The following PCDHGA8 variants were observed in gnomAD, a reference collection of about 807,000 sequenced individuals.
The protein encoded by PCDHGA8 is protocadherin gamma-A8.
A neutral mutation model predicts 59.2 loss-of-function variants in PCDHGA8; 45 were observed. The ratio of observed to expected loss-of-function variants is 0.76; its 90% CI spans 0.60 to 0.98. The LOEUF (loss-of-function observed/expected upper bound fraction) is 0.98, where lower values mean the gene tolerates loss of function less well. Ranked by LOEUF, PCDHGA8 falls within the 50% of genes least tolerant of loss-of-function variation. The pLI is 0.00. For missense variants in PCDHGA8, 1,257 were observed against 1,196.2 expected (o/e 1.05, Z -0.75); for synonymous variants, 531 against 519.0 (o/e 1.02, Z -0.32).
chr5:141,500,318 C>T (rs1005060282), intron 2 of PCDHGA8, among the ~76,000 whole-genome samples: 3 of 151,948 alleles, frequency 2.0e-5, no homozygotes, highest in African/African-American at 7.3e-5. Context: ...ACGCCATGCT[C>T]CTGCCTCAGC....
At position 141,423,255 on chromosome 5, in the gene PCDHGA8, C is replaced by T. The variant is rs368969800; in HGVS notation, c.2424+28018C>T. ...GCATCCCCGAAGTCCTGGCGGACCT[C>T]GGCAGCCTCGAGTCTCTGGCTAACT... On this transcript the variant is annotated intron_variant, in intron 1 of 3. Transcript: ENST00000398604. 2.0e-5 allele frequency: 33 copies of T among 1,613,930 alleles called. No homozygotes were observed. In the East Asian group the frequency reaches 3.8e-4, roughly 19 times the overall value.
chr5:141,505,252 C>T (rs2099844831), intron 2 of PCDHGA8, 141 bp from the exon 3 acceptor site: 1 of 1,454,140 alleles, frequency 6.9e-7, no homozygotes, highest in Non-Finnish European at 9.2e-7. Context: ...TGTAGAAGTG[C>T]CTCCTACCTT....
At chr5:141,503,802 G>A (rs2099831646) in intron 2 of PCDHGA8, among the ~76,000 whole-genome samples, 1 of 151,998 alleles carries the variant, frequency 6.6e-6, no homozygotes, top group South Asian at 2.1e-4. Context: ...CTTAGGGACG[G>A]GGAATCCCAG....
chr5:141,414,404 T>A, intron 1 of PCDHGA8: 1 of 1,613,886 alleles, frequency 6.2e-7, no homozygotes, highest in Non-Finnish European at 8.5e-7. Context: ...AGATTGGTGA[T>A]ACACAGAGCC....
intron 1 of PCDHGA8, chr5:141,441,364 C>T (rs533396852): frequency 6.6e-6 from 1 of 152,646 alleles, no homozygotes; most frequent in South Asian, 2.1e-4. Context: ...CAAATGGGGC[C>T]GTGGACCAGG....
chr5:141,508,599 G>T lies in PCDHGA8; in HGVS notation c.2573-2348G>T, dbSNP rs948748985. On this transcript the variant is annotated intron_variant, in intron 3 of 3. Coordinates refer to ENST00000398604, the MANE Select transcript of PCDHGA8 (RefSeq NM_032088.2). ...CTCGGGGTGCTACTCAGAGATCTTGGGTGCACATAGGACGTGGGTGGGCCG... is the reference window on the plus strand; with the variant it reads ...CTCGGGGTGCTACTCAGAGATCTTGTGTGCACATAGGACGTGGGTGGGCCG... Among the ~76,000 whole-genome samples the T allele has an allele frequency of 3.9e-5, 6 of 152,212 alleles. No individual in the cohort carries two copies. The South Asian group carries it at 1.2e-3, about 32-fold the overall frequency.
intron 1 of PCDHGA8, chr5:141,395,544 G>A (rs1352260391): frequency 8.7e-5 from 1 of 11,524 alleles, no homozygotes. Flanking sequence ...GCTATTGTTT[G>A]TGTGTGTGTG....
Position 141,432,038 on chromosome 5 carries a change from C to G in PCDHGA8, c.2424+36801C>G, listed in dbSNP as rs202246871. ...CAACATCACAGTGACCGCCACTGAC[C>G]GGGGAACCCCGCCCCTATCCACGGA... On this transcript the variant is annotated intron_variant, in intron 1 of 3. Transcript: ENST00000398604. This position sits in a 1 kb window ranked among gnomAD's most constrained non-coding sequence, Gnocchi z 6.0. 2 of 1,614,190 alleles carry G rather than the reference C, an allele frequency of 1.2e-6. No homozygotes were observed. The highest frequency in any genetic ancestry group is 8.5e-7 in the Non-Finnish European group (1 of 1,180,032).
chr5:141,468,339 A>G (rs1320544911), intron 1 of PCDHGA8: 2 of 151,348 alleles, frequency 1.3e-5, no homozygotes, highest in Non-Finnish European at 2.9e-5. Context: ...TCAAAAAAAA[A>G]AAAAAAAAAA....
chr5:141,458,970 C>T (rs1260904595), intron 1 of PCDHGA8, among the ~76,000 whole-genome samples: 1 of 152,170 alleles, frequency 6.6e-6, no homozygotes, highest in Admixed American at 6.6e-5. Flanking sequence ...CAGCCTCAAG[C>T]AGTCCTCCTG....
Position 141,491,886 on chromosome 5 carries a change from G to A in PCDHGA8, c.2425-2921G>A. On this transcript the variant is annotated intron_variant, in intron 1 of 3. Coordinates refer to ENST00000398604, the MANE Select transcript of PCDHGA8 (RefSeq NM_032088.2). The surrounding 1 kb of genome is among the most constrained non-coding windows in gnomAD (Gnocchi z 6.9). ...CCAGAGTGGCCGATTAAGGGATGGG[G>A]CTCCGAGCACCGGGGGTGGTGGCGA... 6.9e-7 allele frequency: 1 copy of A among 1,445,558 alleles called. No individual in the cohort carries two copies. Among genetic ancestry groups the A allele is most frequent in the Non-Finnish European group, 9.1e-7 (1 of 1,093,458 alleles). 89.5% of individuals were successfully genotyped at this position (1,445,558 alleles called of 1,614,324 possible). A position where few individuals can be genotyped will look rare whatever the true frequency, so the allele number is the denominator to read the frequency against.
intron 1 of PCDHGA8, chr5:141,441,824 G>A (rs1561905347): frequency 5.6e-6 from 2 of 356,750 alleles, no homozygotes; most frequent in South Asian, 4.7e-5. Flanking sequence ...GCTCTGGAGC[G>A]CAATGGCTTC....
rs1362496624 is a variant in PCDHGA8, at chr5:141,432,370, C to T, written c.2424+37133C>T. On this transcript the variant is annotated intron_variant, in intron 1 of 3. Coordinates refer to ENST00000398604, the MANE Select transcript of PCDHGA8 (RefSeq NM_032088.2). This position sits in a 1 kb window ranked among gnomAD's most constrained non-coding sequence, Gnocchi z 6.0. ...AAGTGAAAGTGATGGCGCGGGACAA[C>T]GGGCACCCGCCCCTCAGCAGCAACG... The T allele has an allele frequency of 6.2e-7, 1 of 1,614,240 alleles. No individual in the cohort carries two copies. Among genetic ancestry groups the T allele is most frequent in the Non-Finnish European group, 8.5e-7 (1 of 1,180,048 alleles).
chr5:141,488,807 C>G (rs2099679535), intron 1 of PCDHGA8, among the ~76,000 whole-genome samples: 1 of 152,170 alleles, frequency 6.6e-6, no homozygotes, highest in Non-Finnish European at 1.5e-5. Flanking sequence ...TGAGTACCAT[C>G]TGAGCTGTCA....
chr5:141,435,922 G>A (rs1312886163), intron 1 of PCDHGA8, among the ~76,000 whole-genome samples: 1 of 152,070 alleles, frequency 6.6e-6, no homozygotes, highest in Non-Finnish European at 1.5e-5. Context: ...TCTAAAATGC[G>A]GCAGTTGCTG....
In PCDHGA8 at chr5:141,393,242, C is replaced by T. The variant is rs151037104; in HGVS notation, c.429C>T (p.Asn143=). 1,015 of 1,613,778 alleles carry T rather than the reference C, an allele frequency of 6.3e-4. 8 individuals carry two copies. The African/African-American group carries it at 0.012, about 18-fold the overall frequency. ...FQVEDLEVKI[N]EIAVPGARYP... ...TCGAAGATCTAGAAGTAAAAATTAA[C>T]GAAATCGCGGTTCCTGGAGCACGTT... is the stretch of plus-strand genomic sequence containing the variant. Residue 143 remains asparagine, a synonymous_variant, in exon 1 of 4, where the codon AAC becomes AAT. Coordinates refer to ENST00000398604, the MANE Select transcript of PCDHGA8 (RefSeq NM_032088.2).
intron 1 of PCDHGA8, among the ~76,000 whole-genome samples, chr5:141,469,864 C>T (rs963843852): frequency 6.6e-6 from 1 of 152,218 alleles, no homozygotes; most frequent in African/African-American, 2.4e-5. Flanking sequence ...GGTGCAATGG[C>T]TCACGCCTGT....
At chr5:141,447,829 T>A (rs2098552664) in intron 1 of PCDHGA8, among the ~76,000 whole-genome samples, 1 of 152,214 alleles carries the variant, frequency 6.6e-6, no homozygotes. Context: ...CTCACGCCTG[T>A]AATCCCAGTG....
At chr5:141,450,006 C>CTTTTTTT (rs1554136305) in intron 1 of PCDHGA8, among the ~76,000 whole-genome samples, 1 of 132,982 alleles carries the variant, frequency 7.5e-6, no homozygotes, top group Admixed American at 7.8e-5. Context: ...TGCCATGTCT[C>CTTTTTTT]TTTTTTTTTT....
Sources: gnomAD v4.1 joint callset for allele counts (sites outside exome capture counted in the v4.1 genomes callset) on GRCh38, gnomAD v4.1.1 for gene constraint, Gnocchi (gnomAD v3.1) non-coding constraint, MANE v1.5 for transcripts, NCBI Gene and HGNC (gene_info 2026-07-23, HGNC 2026-07-21) for gene names.